Variants in VEGFC observed in about 807,000 individuals in gnomAD.
VEGFC encodes the protein FLT4 ligand DHM.
Under a neutral mutation model 46.1 loss-of-function variants are expected in VEGFC, and 12 were observed. The observed-to-expected ratio is 0.26, with a 90% CI of 0.17 to 0.42. VEGFC has a LOEUF of 0.42. Among genes scored for constraint, VEGFC ranks in the 10% least tolerant of loss-of-function variants. VEGFC has a pLI of 1.00. For missense variants in VEGFC, 488 were observed against 529.4 expected, an observed-to-expected ratio of 0.92 and a Z score of 0.77; for synonymous variants, 232 against 195.5, an observed-to-expected ratio of 1.19 and a Z score of -1.56.
intron 4 of VEGFC, among the ~76,000 whole-genome samples, chr4:176,699,510 C>G (rs1734387146): frequency 2.0e-5 from 3 of 152,212 alleles, no homozygotes; most frequent in Admixed American, 2.0e-4. Flanking sequence ...CCTTCTTGCC[C>G]AAGCTTTCTG....
chr4:176,777,940 AAAAAAAAAAG>A, intron 1 of VEGFC, among the ~76,000 whole-genome samples: 2 of 139,772 alleles, frequency 1.4e-5, no homozygotes, highest in African/African-American at 3.0e-5. Context: ...AAAAAAAAAA[AAAAAAAAAAG>A]CTATTCTTGT....
intron 4 of VEGFC, among the ~76,000 whole-genome samples, chr4:176,689,060 A>G (rs1266066376): frequency 7.2e-5 from 11 of 152,208 alleles, no homozygotes; most frequent in Non-Finnish European, 1.3e-4. Context: ...AATTTACAGG[A>G]TATATATCAA....
chr4:176,792,167 T>C lies in VEGFC; in HGVS notation c.145A>G (p.Thr49Ala). ...CGCAAACCCTAACGCAGACCTACCG[T>C]GGCCTCGCCCGCGTCGGGCTCCGCG... is the stretch of plus-strand genomic sequence containing the variant. ...SDAEPDAGEA[T>A]AYASKDLEEQ... The change falls in exon 1 of 7, where the codon ACG becomes GCG. Residue 49 changes from threonine to alanine, a missense_variant and splice_region_variant. Transcript: ENST00000618562. This position sits in a 1 kb window ranked among gnomAD's most constrained non-coding sequence, Gnocchi z 6.3. 2 of 1,506,138 alleles carry C rather than the reference T, an allele frequency of 1.3e-6. No individual in the cohort carries two copies. Among genetic ancestry groups the C allele is most frequent in the Non-Finnish European group, 1.8e-6 (2 of 1,131,438 alleles). 93.3% of individuals were successfully genotyped at this position (1,506,138 alleles called of 1,614,324 possible).
At chr4:176,784,779 A>AAT (rs1553998122) in intron 1 of VEGFC, among the ~76,000 whole-genome samples, 1 of 100,218 alleles carries the variant, frequency 1.0e-5, no homozygotes, top group Non-Finnish European at 2.1e-5. Flanking sequence ...AAAAAAAAAA[A>AAT]GATAAAGTAA....
At chr4:176,711,393 A>T in intron 4 of VEGFC, 106 bp downstream of exon 4, 1 of 1,291,964 alleles carries the variant, frequency 7.7e-7, no homozygotes. Flanking sequence ...GAAGCAGAGT[A>T]TATTACAGTA....
intron 1 of VEGFC, among the ~76,000 whole-genome samples, chr4:176,780,196 A>G (rs1383686283): frequency 6.6e-6 from 1 of 152,104 alleles, no homozygotes; most frequent in African/African-American, 2.4e-5. Context: ...CCTGGCCAAC[A>G]GGGTGAAACC....
At chr4:176,784,756 C>CAAAA (rs5864405) in intron 1 of VEGFC, among the ~76,000 whole-genome samples, 2 of 23,002 alleles carry the variant, frequency 8.7e-5, no homozygotes, top group Middle Eastern at 0.038. Flanking sequence ...GAGTCTGTCT[C>CAAAA]AAAAAAAAAA....
At chr4:176,747,223 T>C (rs1009415182) in intron 1 of VEGFC, among the ~76,000 whole-genome samples, 7 of 152,010 alleles carry the variant, frequency 4.6e-5, no homozygotes, top group Non-Finnish European at 8.8e-5. Context: ...TCAAGATAAA[T>C]GCAAATTGAA....
intron 4 of VEGFC, among the ~76,000 whole-genome samples, chr4:176,704,421 C>T: frequency 6.6e-6 from 1 of 152,080 alleles, no homozygotes; most frequent in African/African-American, 2.4e-5. Flanking sequence ...AGGTAAGTTC[C>T]TACTATGAAC....
chr4:176,706,226 A>T (rs935298818), intron 4 of VEGFC: 1 of 152,164 alleles, frequency 6.6e-6, no homozygotes, highest in Non-Finnish European at 1.5e-5. Context: ...TAGGATCTAG[A>T]AGCATTCTTT....
intron 4 of VEGFC, among the ~76,000 whole-genome samples, chr4:176,695,218 T>C (rs1219461003): frequency 6.6e-6 from 1 of 151,540 alleles, no homozygotes. Context: ...TCAACAAAAT[T>C]GATAGACTGC....
At chr4:176,753,328 G>A (rs1280996596) in intron 1 of VEGFC, among the ~76,000 whole-genome samples, 1 of 152,066 alleles carries the variant, frequency 6.6e-6, no homozygotes, top group East Asian at 1.9e-4. Context: ...GCCAGCAACT[G>A]CACCTTATGG....
intron 4 of VEGFC, among the ~76,000 whole-genome samples, chr4:176,709,329 A>G (rs1055437610): frequency 1.3e-5 from 2 of 152,214 alleles, no homozygotes; most frequent in Non-Finnish European, 2.9e-5. Flanking sequence ...GGAATGGCTC[A>G]AGTATTTTTG....
chr4:176,767,593 T>C (rs921503929), intron 1 of VEGFC, among the ~76,000 whole-genome samples: 26 of 152,188 alleles, frequency 1.7e-4, no homozygotes, highest in African/African-American at 6.3e-4. Context: ...TCATGTTCTT[T>C]TGTTCTTTTC....
chr4:176,727,471 A>T (rs1734889939), intron 3 of VEGFC, among the ~76,000 whole-genome samples: 1 of 152,186 alleles, frequency 6.6e-6, no homozygotes, highest in African/African-American at 2.4e-5. Flanking sequence ...TTGAAGATCA[A>T]CACACACACA....
Position 176,687,938 on chromosome 4 carries a change from A to G in VEGFC, c.705-11T>C. On this transcript the variant is annotated splice_polypyrimidine_tract_variant and intron_variant, in intron 4 of 6. Coordinates refer to ENST00000618562, the MANE Select transcript of VEGFC (RefSeq NM_005429.5). ...TTCGCTGCCTGACACCTTTGGAAGAAACAGACGAGGTTTAGCAATGGTGTA... is the reference window on the plus strand; with the variant it reads ...TTCGCTGCCTGACACCTTTGGAAGAGACAGACGAGGTTTAGCAATGGTGTA... The G allele has an allele frequency of 6.3e-7, 1 of 1,578,094 alleles. No homozygotes were observed. Among genetic ancestry groups the G allele is most frequent in the Non-Finnish European group, 8.7e-7 (1 of 1,150,322 alleles).
chr4:176,723,580 G>T lies in VEGFC; in HGVS notation c.552+4198C>A, dbSNP rs146187119. On this transcript the variant is annotated intron_variant, in intron 3 of 6. Transcript: ENST00000618562. The stretch of plus-strand genomic sequence containing the variant: ...TTTTATTTTAGGTTTGGGGGTCCAT[G>T]TGCAGGTTTGTGACATAGGTAAACT... Among the ~76,000 whole-genome samples the T allele has an allele frequency of 7.7e-4, 116 of 150,626 alleles. 3 individuals are homozygous for T. The highest frequency in any genetic ancestry group is 2.8e-3 in the African/African-American group (115 of 40,752).
intron 1 of VEGFC, among the ~76,000 whole-genome samples, chr4:176,737,921 G>T (rs10012721): frequency 0.072 from 10,992 of 151,870 alleles, 421 homozygotes; most frequent in Non-Finnish European, 0.091. Context: ...TTTAATGGTT[G>T]TGATGGTGAT....
intron 4 of VEGFC, among the ~76,000 whole-genome samples, chr4:176,691,468 C>CCA (rs199856058): frequency 1.2e-4 from 18 of 151,392 alleles, no homozygotes; most frequent in South Asian, 4.2e-4. Flanking sequence ...ACCGACCCCA[C>CCA]CACACACACA....
Sources: gnomAD v4.1 joint callset for allele counts (sites outside exome capture counted in the v4.1 genomes callset) on GRCh38, gnomAD v4.1.1 for gene constraint, Gnocchi (gnomAD v3.1) non-coding constraint, MANE v1.5 for transcripts, NCBI Gene and HGNC (gene_info 2026-07-23, HGNC 2026-07-21) for gene names.